REV1: variants seen among roughly 807,000 people sequenced by gnomAD.
REV1 encodes REV1 DNA directed polymerase, also known as translesion synthesis protein REV1.
Under a neutral mutation model 137.4 loss-of-function variants are expected in REV1, and 42 were observed. The ratio of observed to expected loss-of-function variants is 0.31; its 90% CI spans 0.24 to 0.40. The LOEUF is 0.40. Among genes scored for constraint, REV1 ranks in the 10% least tolerant of loss-of-function variants. The pLI is 1.00. For missense variants in REV1, 1,282 were observed against 1,490.1 expected, an observed-to-expected ratio of 0.86 and a Z score of 2.30; for synonymous variants, 524 against 519.2, an observed-to-expected ratio of 1.01 and a Z score of -0.12.
chr2:99,459,293 T>C (rs549173365), intron 3 of REV1, among the ~76,000 whole-genome samples: 2 of 152,294 alleles, frequency 1.3e-5, no homozygotes, highest in Admixed American at 6.5e-5. Context: ...TGTGACACTG[T>C]TTGCAAGTTT....
At chr2:99,468,849 A>G (rs1289843343) in intron 1 of REV1, among the ~76,000 whole-genome samples, 3 of 152,134 alleles carry the variant, frequency 2.0e-5, no homozygotes, top group African/African-American at 7.2e-5. Context: ...CTACTCTGCC[A>G]GTCTACAGAG....
chr2:99,424,174 T>C lies in REV1; in HGVS notation c.1654A>G (p.Thr552Ala). The C allele has an allele frequency of 6.2e-7, 1 of 1,613,946 alleles. No individual in the cohort carries two copies. Among genetic ancestry groups the C allele is most frequent in the Non-Finnish European group, 8.5e-7 (1 of 1,179,892 alleles). The stretch of plus-strand genomic sequence containing the variant: ...TACCTTGCCAATGTTTCATACAATG[T>C]TTGTGCGACTTCCTTATATGCATGA... ...DFHAYKEVAQTLYETLASYTH... is the reference protein window; with the variant it reads ...DFHAYKEVAQALYETLASYTH... The change falls in exon 10 of 23, where the codon ACA (threonine) becomes GCA (alanine). Residue 552 changes from threonine (T) to alanine (A), a missense_variant. Coordinates refer to ENST00000258428, the MANE Select transcript of REV1 (RefSeq NM_016316.4).
chr2:99,458,866 G>C (rs2105068543), intron 3 of REV1, among the ~76,000 whole-genome samples: 1 of 152,270 alleles, frequency 6.6e-6, no homozygotes, highest in East Asian at 1.9e-4. Flanking sequence ...TTAAGGAAAG[G>C]CGGAGAACAG....
chr2:99,431,727 T>C (rs1454390056), intron 8 of REV1: 18 of 985,284 alleles, frequency 1.8e-5, no homozygotes, highest in Non-Finnish European at 1.9e-5. Context: ...TTCCTCTCCA[T>C]TGGGCTGGCT....
intron 10 of REV1, among the ~76,000 whole-genome samples, chr2:99,422,212 C>A (rs902645798): frequency 3.3e-5 from 5 of 152,204 alleles, no homozygotes; most frequent in Admixed American, 6.5e-5. Context: ...TAGTTATCTA[C>A]ACTCTCTGCA....
chr2:99,417,249 T>C (rs1022663434), intron 12 of REV1, among the ~76,000 whole-genome samples: 5 of 152,112 alleles, frequency 3.3e-5, no homozygotes, highest in Non-Finnish European at 5.9e-5. Context: ...AAGCGATTCT[T>C]GTGCCTCAGC....
chr2:99,478,987 A>G (rs1193005299), intron 1 of REV1, among the ~76,000 whole-genome samples: 1 of 152,192 alleles, frequency 6.6e-6, no homozygotes, highest in Non-Finnish European at 1.5e-5. Flanking sequence ...AGTAGAATGA[A>G]TTTCACATCA....
intron 1 of REV1, among the ~76,000 whole-genome samples, chr2:99,469,924 A>C (rs1267996161): frequency 6.6e-6 from 1 of 152,074 alleles, no homozygotes; most frequent in East Asian, 1.9e-4. Context: ...GATCGAGACC[A>C]TACTGGCTAA....
At chr2:99,449,190 G>A in intron 4 of REV1, 146 bp downstream of exon 4, 1 of 310,584 alleles carries the variant, frequency 3.2e-6, no homozygotes, top group Non-Finnish European at 5.4e-6. Flanking sequence ...GCTTGAGCCT[G>A]GGAGGTTGAG....
rs1254996143 is a variant in REV1, at chr2:99,435,928, T to A, written c.1227A>T (p.Val409=). The A allele has an allele frequency of 6.3e-7, 1 of 1,581,702 alleles. No individual in the cohort carries two copies. Among genetic ancestry groups the A allele is most frequent in the Non-Finnish European group, 8.7e-7 (1 of 1,152,848 alleles). The part of the protein sequence containing the change: ...LVVTDTGDMS[V]LNSPRHQSCI... ...AGCTCTGATGTCTGGGAGAATTCAA[T>A]ACTGACATATCTCCTAGAAGGAAAA... The change falls in exon 7 of 23, where the codon GTA becomes GTT. Residue 409 remains valine (V), a synonymous_variant. Transcript: ENST00000258428.
chr2:99,426,807 T>C (rs570418626), intron 9 of REV1, among the ~76,000 whole-genome samples: 4 of 152,332 alleles, frequency 2.6e-5, no homozygotes, highest in Admixed American at 6.5e-5. Flanking sequence ...AGCTTATTCC[T>C]ACATTTAAAG....
chr2:99,414,366 C>T (rs573405632), intron 12 of REV1, among the ~76,000 whole-genome samples: 13 of 152,078 alleles, frequency 8.5e-5, no homozygotes, highest in South Asian at 4.1e-4. Context: ...GAGATGAAGG[C>T]GTTAAGCGTG....
intron 12 of REV1, among the ~76,000 whole-genome samples, chr2:99,416,405 GTA>G (rs1677862976): frequency 6.6e-6 from 1 of 152,204 alleles, no homozygotes; most frequent in Non-Finnish European, 1.5e-5. Flanking sequence ...CAGGACAGGA[GTA>G]ACAATGGAGA....
rs950830538 is a variant in REV1, at chr2:99,426,301, C to T, written c.1548-2021G>A. 2.7e-5 allele frequency among the ~76,000 whole-genome samples: 4 copies of T among 150,846 alleles called. No individual in the cohort carries two copies. In the South Asian group the frequency reaches 8.3e-4, roughly 31 times the overall value. On this transcript the variant is annotated intron_variant, in intron 9 of 22. Transcript: ENST00000258428. ...GGTGGAGGTTGCAGCGAGCCAAGAT[C>T]GTGCCATTGCACCTCAGCCTGGGCA...
chr2:99,456,866 C>T (rs181705544), intron 3 of REV1, among the ~76,000 whole-genome samples: 9 of 152,236 alleles, frequency 5.9e-5, no homozygotes, highest in Admixed American at 3.3e-4. Context: ...AAAGAACAAA[C>T]AGAAACACAG....
chr2:99,421,485 A>G lies in REV1; in HGVS notation c.1831+14T>C. On this transcript the variant is annotated intron_variant, in intron 11 of 22. Transcript: ENST00000258428. Reference sequence around the variant, plus strand: ...AAGCAACTCTTTTGAGTACAAGATAAGCTAGATACTAACCAATTCCAACAG... The same window carrying G: ...AAGCAACTCTTTTGAGTACAAGATAGGCTAGATACTAACCAATTCCAACAG... 1 of 1,608,490 alleles carries G rather than the reference A, an allele frequency of 6.2e-7. No homozygotes were observed. Among genetic ancestry groups the G allele is most frequent in the Non-Finnish European group, 8.5e-7 (1 of 1,177,514 alleles).
intron 15 of REV1, 96 bp downstream of exon 15, chr2:99,407,933 T>A: frequency 1.6e-6 from 1 of 617,468 alleles, no homozygotes; most frequent in Non-Finnish European, 2.7e-6. Flanking sequence ...ACATATAAAG[T>A]CCCTATACAC....
In REV1 at chr2:99,412,781, C is replaced by A; in HGVS notation, c.2122G>T (p.Glu708Ter). Residue 708 changes from glutamate (E) to a stop codon, truncating the protein, a stop_gained, in exon 13 of 23, where the codon GAA (glutamate) becomes TAA (stop). Transcript: ENST00000258428. LOFTEE classifies it high-confidence loss of function. ...LDDRPVRTEK[E>*]RKSVSAEINY... ...ATCTCAGCTGAAACAGATTTTCTTT[C>A]CTTTTCAGTTCGAACTGGTCTATCA... 1 of 1,614,130 alleles carries A rather than the reference C, an allele frequency of 6.2e-7. No individual in the cohort carries two copies. The highest frequency in any genetic ancestry group is 8.5e-7 in the Non-Finnish European group (1 of 1,180,010).
chr2:99,457,837 G>C (rs1365532720), intron 3 of REV1, among the ~76,000 whole-genome samples: 2 of 151,998 alleles, frequency 1.3e-5, no homozygotes, highest in Non-Finnish European at 2.9e-5. Context: ...ACTGGTGAAG[G>C]AACAGACACA....
Sources: allele counts gnomAD v4.1 joint callset (sites outside exome capture counted in the v4.1 genomes callset), GRCh38; gene constraint gnomAD v4.1.1; transcripts MANE v1.5; gene names NCBI Gene and HGNC (gene_info 2026-07-23, HGNC 2026-07-21).